BEGAIN: variants seen among roughly 807,000 people sequenced by gnomAD.
The protein encoded by BEGAIN is brain-enriched guanylate kinase-associated protein.
In BEGAIN, 19 loss-of-function variants were observed where a neutral mutation model predicts 35.8. The observed-to-expected ratio is 0.53, with a 90% confidence interval of 0.37 to 0.78. The LOEUF is 0.78. BEGAIN is among the 30% of genes least tolerant of loss of function. The pLI is 0.00. For synonymous variants in BEGAIN, 462 were observed against 388.6 expected, an observed-to-expected ratio of 1.19 and a Z score of -2.22; for missense variants, 795 against 853.6, an observed-to-expected ratio of 0.93 and a Z score of 0.85.
In BEGAIN at chr14:100,537,743, G is replaced by A. The variant is rs2030769486; in HGVS notation, c.*226C>T. The A allele has an allele frequency of 1.5e-5, 8 of 540,786 alleles. No individual in the cohort carries two copies. In the Admixed American group the frequency reaches 1.9e-4, roughly 13 times the overall value. 33.5% of individuals were successfully genotyped at this position (540,786 alleles called of 1,614,324 possible). ...CATGGGGGAAGGACGCGTGAAAAAC[G>A]CTCTAAGTGGAGTTCCACGGGCCGG... On this transcript the variant is annotated 3_prime_UTR_variant, in exon 7 of 7. Coordinates refer to ENST00000554140, the MANE Select transcript of BEGAIN (RefSeq NM_001385089.1).
At position 100,568,480 on chromosome 14, in the gene BEGAIN, C is replaced by T. The variant is rs2034912422; in HGVS notation, c.43-541G>A. The T allele has an allele frequency of 7.8e-7, 1 of 1,286,058 alleles. No homozygotes were observed. The highest frequency in any genetic ancestry group is 1.0e-6 in the Non-Finnish European group (1 of 987,030). 79.7% of individuals were successfully genotyped at this position (1,286,058 alleles called of 1,614,324 possible). The stretch of plus-strand genomic sequence containing the variant: ...GGCGATGGCATTTGGAGCCTCGACT[C>T]CTCAATCAGGGACCCGCTGCCCTCA... On this transcript the variant is annotated intron_variant, in intron 1 of 6. Coordinates refer to ENST00000554140, the MANE Select transcript of BEGAIN (RefSeq NM_001385089.1). This position sits in a 1 kb window ranked among gnomAD's most constrained non-coding sequence, Gnocchi z 7.5.
chr14:100,537,862 T>G lies in BEGAIN; in HGVS notation c.*107A>C. Reference sequence around the variant, plus strand: ...GCGGGGAGGAACAGACTCCTCGTTGTTGGCCGGGGCAGGGGAACAGCGGGG... The same window carrying G: ...GCGGGGAGGAACAGACTCCTCGTTGGTGGCCGGGGCAGGGGAACAGCGGGG... On this transcript the variant is annotated 3_prime_UTR_variant, in exon 7 of 7. Transcript: ENST00000554140. 1 of 1,433,564 alleles carries G rather than the reference T, an allele frequency of 7.0e-7. No homozygotes were observed. The highest frequency in any genetic ancestry group is 1.4e-5 in the South Asian group (1 of 70,266). 88.8% of individuals were successfully genotyped at this position (1,433,564 alleles called of 1,614,324 possible). A position where few individuals can be genotyped will look rare whatever the true frequency, so the allele number is the denominator to read the frequency against.
At chr14:100,542,993 C>A (rs1174326986) in intron 5 of BEGAIN, among the ~76,000 whole-genome samples, 1 of 152,076 alleles carries the variant, frequency 6.6e-6, no homozygotes, top group Non-Finnish European at 1.5e-5. Flanking sequence ...GCTCCCCCTC[C>A]CGCTGGGCGC....
chr14:100,540,192 G>C (rs1018867070), intron 6 of BEGAIN: 4 of 407,076 alleles, frequency 9.8e-6, no homozygotes, highest in Non-Finnish European at 1.8e-5. Flanking sequence ...TCACTCTGCC[G>C]TGTCAGCGCT....
rs1198758564 is a variant in BEGAIN at position 100,567,524 on chromosome 14, G to T, written c.71+387C>A. Among the ~76,000 whole-genome samples, 1 of 152,016 alleles carries T rather than the reference G, an allele frequency of 6.6e-6. No individual in the cohort carries two copies. Among genetic ancestry groups the T allele is most frequent in the African/African-American group, 2.4e-5 (1 of 41,398 alleles). ...GGGGGTGGGGTGGGGTCGGGGGAGA[G>T]AGCGCCGGGGCAGTGCGGAACGGCA... On this transcript the variant is annotated intron_variant, in intron 2 of 6. Coordinates refer to ENST00000554140, the MANE Select transcript of BEGAIN (RefSeq NM_001385089.1). This position sits in a 1 kb window ranked among gnomAD's most constrained non-coding sequence, Gnocchi z 5.1.
At chr14:100,587,217 G>A (rs1384651294) in intron 1 of BEGAIN, 32 bp downstream of exon 1, 2 of 181,192 alleles carry the variant, frequency 1.1e-5, no homozygotes, top group Non-Finnish European at 2.2e-5. Context: ...GCCCGCGCCC[G>A]CGCCCTGCCC....
chr14:100,545,262 C>G (rs1022753305), intron 3 of BEGAIN, 196 bp from the exon 4 acceptor site: 29 of 1,421,736 alleles, frequency 2.0e-5, no homozygotes, highest in African/African-American at 1.6e-4. Flanking sequence ...TTTGTAGAAG[C>G]CTTTCCTAGG....
In BEGAIN at chr14:100,538,892, A is replaced by G; in HGVS notation, c.916T>C (p.Phe306Leu). 1 of 1,608,002 alleles carries G rather than the reference A, an allele frequency of 6.2e-7. No individual in the cohort carries two copies. The highest frequency in any genetic ancestry group is 1.1e-5 in the South Asian group (1 of 90,680). The change falls in exon 7 of 7, where the codon TTC (phenylalanine) becomes CTC (leucine). Residue 306 changes from phenylalanine to leucine, a missense_variant. Coordinates refer to ENST00000554140, the MANE Select transcript of BEGAIN (RefSeq NM_001385089.1). ...GGCAGTGAGCCTGCGTAGCTGGGGA[A>G]GGCCTCATGCTGGAAGCCCGCCGGG... Reference protein sequence around the residue: ...AFPAGFQHEAFPSYAGSLPTS... With the variant: ...AFPAGFQHEALPSYAGSLPTS...
At chr14:100,561,617 A>T (rs2034262597) in intron 2 of BEGAIN, among the ~76,000 whole-genome samples, 3 of 152,098 alleles carry the variant, frequency 2.0e-5, no homozygotes. Flanking sequence ...GTGTGGTGGC[A>T]CATGACTGTC....
chr14:100,561,123 G>C (rs2034212414), intron 2 of BEGAIN, among the ~76,000 whole-genome samples: 1 of 152,170 alleles, frequency 6.6e-6, no homozygotes, highest in South Asian at 2.1e-4. Context: ...GAAACACCCA[G>C]CCACTGCCCC....
At chr14:100,556,424 C>T (rs1011130467) in intron 2 of BEGAIN, among the ~76,000 whole-genome samples, 13 of 152,314 alleles carry the variant, frequency 8.5e-5, no homozygotes, top group Admixed American at 3.9e-4. Context: ...GCAGACCCAG[C>T]GCGTGCCCAG....
At chr14:100,554,274 T>A (rs564440527) in intron 2 of BEGAIN, among the ~76,000 whole-genome samples, 78 of 152,286 alleles carry the variant, frequency 5.1e-4, no homozygotes, top group African/African-American at 1.7e-3. Context: ...GGGGTGGGGC[T>A]GGGCTGCGGC....
intron 1 of BEGAIN, among the ~76,000 whole-genome samples, chr14:100,579,147 C>A (rs1213878760): frequency 6.6e-6 from 1 of 152,246 alleles, no homozygotes; most frequent in Non-Finnish European, 1.5e-5. Context: ...AGGCGTGAGC[C>A]ACTGTGCCTG....
rs749168305 is a variant in BEGAIN at position 100,538,192 on chromosome 14, T to TC, written c.1615dup (p.Asp539GlyfsTer17). On this transcript the variant is annotated frameshift_variant, in exon 7 of 7. Transcript: ENST00000554140. LOFTEE classifies it high-confidence loss of function. ...CAGCTGCACCCCGAGCCTGTCCCCG[T>TC]CCCCCCCCTCGCTGGGTGCATAGCC... 217 of 1,538,262 alleles carry TC rather than the reference T, an allele frequency of 1.4e-4. No homozygotes were observed. The highest frequency in any genetic ancestry group is 3.6e-4 in the Middle Eastern group (2 of 5,500).
In BEGAIN at chr14:100,538,063, C is replaced by T. The variant is rs761680319; in HGVS notation, c.1745G>A (p.Ser582Asn). The change falls in exon 7 of 7, where the codon AGC becomes AAC. Residue 582 changes from serine to asparagine, a missense_variant. This residue lies in a region of BEGAIN where 664 missense variants were observed against 647.7 expected (regional missense o/e 1.03). Transcript: ENST00000554140. ...AGTCCGCGGAAAGGCCTGCTGGGGG[C>T]TGAGGCGGGCGGCAGGATGCATTTC... ...SPEMHPAARL[S>N]PQQAFPRTGG... is the part of the protein sequence containing the mutation. 2.3e-5 allele frequency: 36 copies of T among 1,599,716 alleles called. No individual in the cohort carries two copies. The East Asian group carries it at 7.6e-4, about 34-fold the overall frequency.
intron 1 of BEGAIN, among the ~76,000 whole-genome samples, chr14:100,572,045 C>G (rs921512925): frequency 6.6e-6 from 1 of 152,214 alleles, no homozygotes; most frequent in Non-Finnish European, 1.5e-5. Context: ...AATCCCCAGC[C>G]AGAGGCACCT....
chr14:100,567,979 G>T lies in BEGAIN; in HGVS notation c.43-40C>A. ...ACGAGAGGGTCAGCAGGCAGGAGGCGTGCGCTCCGCGGCCGCGCCGGGCAG... is the reference window on the plus strand; with the variant it reads ...ACGAGAGGGTCAGCAGGCAGGAGGCTTGCGCTCCGCGGCCGCGCCGGGCAG... On this transcript the variant is annotated intron_variant, in intron 1 of 6. Coordinates refer to ENST00000554140, the MANE Select transcript of BEGAIN (RefSeq NM_001385089.1). The surrounding 1 kb of genome is among the most constrained non-coding windows in gnomAD (Gnocchi z 5.1). 1 of 1,407,012 alleles carries T rather than the reference G, an allele frequency of 7.1e-7. No homozygotes were observed. Among genetic ancestry groups the T allele is most frequent in the Non-Finnish European group, 9.4e-7 (1 of 1,064,748 alleles). The allele number at this position is 1,407,012 out of a possible 1,614,324, so 87.2% of individuals were successfully genotyped here.
chr14:100,575,096 A>G (rs2035174315), intron 1 of BEGAIN, among the ~76,000 whole-genome samples: 2 of 152,190 alleles, frequency 1.3e-5, no homozygotes, highest in South Asian at 4.1e-4. Context: ...AGGACAGCAC[A>G]GGACAGGACT....
At position 100,538,692 on chromosome 14, in the gene BEGAIN, C is replaced by G; in HGVS notation, c.1116G>C (p.Thr372=). The G allele has an allele frequency of 6.4e-7, 1 of 1,556,766 alleles. No homozygotes were observed. The highest frequency in any genetic ancestry group is 1.4e-5 in the African/African-American group (1 of 73,566). Residue 372 remains threonine, a synonymous_variant, in exon 7 of 7, where the codon ACG becomes ACC. Coordinates refer to ENST00000554140, the MANE Select transcript of BEGAIN (RefSeq NM_001385089.1). ...CCTCCAGCGGGGCCGCCACCGCGGCCGTGGCCTTGGCAAAGCGAGGGCTGC... is the reference window on the plus strand; with the variant it reads ...CCTCCAGCGGGGCCGCCACCGCGGCGGTGGCCTTGGCAAAGCGAGGGCTGC... ...YEGSPRFAKA[T]AAVAAPLEAE...
Sources: allele counts gnomAD v4.1 joint callset (sites outside exome capture counted in the v4.1 genomes callset), GRCh38; gene constraint gnomAD v4.1.1; regional missense constraint gnomAD v4.1.1; non-coding constraint Gnocchi (gnomAD v3.1); transcripts MANE v1.5; gene names NCBI Gene and HGNC (gene_info 2026-07-23, HGNC 2026-07-21).